Variants in NEK7 observed in about 807,000 individuals in gnomAD.
The protein encoded by NEK7 is serine/threonine-protein kinase Nek7.
NEK7 carries 18 observed loss-of-function variants against 44.6 expected under a neutral mutation model. The observed-to-expected ratio is 0.40, with a 90% CI of 0.28 to 0.60. NEK7 has a LOEUF of 0.60. Among genes scored for constraint, NEK7 ranks in the 20% least tolerant of loss-of-function variants. The pLI is 0.38. For missense variants in NEK7, 256 were observed against 366.5 expected (o/e 0.70, Z 2.46); for synonymous variants, 130 against 121.1 (o/e 1.07, Z -0.48).
intron 4 of NEK7, among the ~76,000 whole-genome samples, 198 bp from the exon 5 acceptor site, chr1:198,263,927 A>G (rs961649660): frequency 6.6e-6 from 1 of 151,994 alleles, no homozygotes; most frequent in Non-Finnish European, 1.5e-5. Flanking sequence ...GAATATTAAG[A>G]TAAATTAATT....
chr1:198,221,951 TGTC>T (rs1481606496), intron 1 of NEK7, among the ~76,000 whole-genome samples: 1 of 151,626 alleles, frequency 6.6e-6, no homozygotes, highest in Admixed American at 6.6e-5. Flanking sequence ...TCTAGTATAG[TGTC>T]GTTGAGAACT....
chr1:198,245,006 CAGAA>C (rs1483884420), intron 2 of NEK7, among the ~76,000 whole-genome samples: 2 of 152,220 alleles, frequency 1.3e-5, no homozygotes, highest in East Asian at 1.9e-4. Context: ...TTACTGATAA[CAGAA>C]AGTCAATTAA....
chr1:198,210,995 G>T (rs975285335), intron 1 of NEK7, among the ~76,000 whole-genome samples: 1 of 151,672 alleles, frequency 6.6e-6, no homozygotes, highest in Non-Finnish European at 1.5e-5. Flanking sequence ...CTCGTGATCC[G>T]CCCGCCTCGG....
At chr1:198,230,295 G>A (rs911775538) in intron 1 of NEK7, among the ~76,000 whole-genome samples, 4 of 151,916 alleles carry the variant, frequency 2.6e-5, no homozygotes, top group Admixed American at 1.3e-4. Context: ...TCCTCCTCCC[G>A]ACCTTGAATC....
chr1:198,231,446 A>G (rs113454806), intron 1 of NEK7, among the ~76,000 whole-genome samples: 3 of 150,856 alleles, frequency 2.0e-5, no homozygotes, highest in African/African-American at 7.3e-5. Context: ...ATATCCATAA[A>G]GAAAAACAAA....
At chr1:198,255,398 C>G (rs1653221514) in intron 3 of NEK7, among the ~76,000 whole-genome samples, 1 of 152,030 alleles carries the variant, frequency 6.6e-6, no homozygotes, top group Admixed American at 6.6e-5. Context: ...TCTTGGATCC[C>G]TTCTCTGATT....
At chr1:198,226,127 T>A (rs995333717) in intron 1 of NEK7, among the ~76,000 whole-genome samples, 4 of 152,020 alleles carry the variant, frequency 2.6e-5, no homozygotes, top group African/African-American at 9.7e-5. Context: ...TATTAAAATA[T>A]ATTTTTGTTT....
At chr1:198,305,660 G>C (rs1197760770) in intron 9 of NEK7, among the ~76,000 whole-genome samples, 1 of 152,044 alleles carries the variant, frequency 6.6e-6, no homozygotes, top group African/African-American at 2.4e-5. Flanking sequence ...TATCCCTCTA[G>C]TCATAATAAT....
Position 198,319,439 on chromosome 1 carries a change from A to G in NEK7, c.826A>G (p.Asn276Asp), listed in dbSNP as rs1269141251. 6.2e-7 allele frequency: 1 copy of G among 1,612,828 alleles called. No individual in the cohort carries two copies. The highest frequency in any genetic ancestry group is 8.5e-7 in the Non-Finnish European group (1 of 1,179,222). Residue 276 changes from asparagine (N) to aspartate (D), a missense_variant, in exon 10 of 10, where the codon AAC becomes GAC. By Grantham distance (23) the Asn-to-Asp change is conservative (BLOSUM62 1). Coordinates refer to ENST00000367385, the MANE Select transcript of NEK7 (RefSeq NM_133494.3). ...CCGACAGTTAGTTAATATGTGCATC[A>G]ACCCAGATCCAGAGAAGCGACCAGA... Reference protein sequence around the residue: ...ELRQLVNMCINPDPEKRPDVT... With the variant: ...ELRQLVNMCIDPDPEKRPDVT...
At chr1:198,273,395 T>A (rs976573439) in intron 5 of NEK7, among the ~76,000 whole-genome samples, 4 of 151,718 alleles carry the variant, frequency 2.6e-5, no homozygotes, top group Non-Finnish European at 5.9e-5. Flanking sequence ...TGTTGATACC[T>A]CATTATGCCT....
At chr1:198,179,259 C>T (rs926109455) in intron 1 of NEK7, among the ~76,000 whole-genome samples, 8 of 152,156 alleles carry the variant, frequency 5.3e-5, no homozygotes, top group African/African-American at 1.9e-4. Context: ...AACCTATCCT[C>T]ATGTAGTTTT....
At chr1:198,180,269 A>G (rs1016108634) in intron 1 of NEK7, among the ~76,000 whole-genome samples, 3 of 150,512 alleles carry the variant, frequency 2.0e-5, no homozygotes, top group Non-Finnish European at 4.5e-5. Flanking sequence ...CATCATAGAG[A>G]AAATTAATCA....
intron 1 of NEK7, among the ~76,000 whole-genome samples, chr1:198,197,210 A>G (rs1406752601): frequency 3.9e-5 from 6 of 152,300 alleles, no homozygotes; most frequent in African/African-American, 1.2e-4. Flanking sequence ...TTAGTCATTT[A>G]CTGTATAATA....
At chr1:198,298,384 G>A (rs1169368717) in intron 9 of NEK7, among the ~76,000 whole-genome samples, 1 of 152,008 alleles carries the variant, frequency 6.6e-6, no homozygotes. Flanking sequence ...AATATAATAG[G>A]CACTTTTTCT....
chr1:198,274,752 A>C (rs1000728178), intron 5 of NEK7, among the ~76,000 whole-genome samples: 4 of 151,780 alleles, frequency 2.6e-5, no homozygotes, highest in Non-Finnish European at 5.9e-5. Context: ...AATGATACTT[A>C]GATATTCACT....
intron 7 of NEK7, among the ~76,000 whole-genome samples, chr1:198,280,179 T>C (rs944257087): frequency 2.6e-5 from 4 of 152,070 alleles, no homozygotes; most frequent in Admixed American, 2.6e-4. Context: ...CCCAGCACTT[T>C]AATAAAGTTT....
intron 1 of NEK7, among the ~76,000 whole-genome samples, chr1:198,191,166 G>A (rs1359964521): frequency 6.6e-6 from 1 of 151,978 alleles, no homozygotes; most frequent in Admixed American, 6.6e-5. Context: ...ATTACAAACT[G>A]TGCTGTCCTG....
intron 9 of NEK7, among the ~76,000 whole-genome samples, chr1:198,303,817 C>G (rs576698592): frequency 1.3e-5 from 2 of 152,110 alleles, no homozygotes; most frequent in South Asian, 4.1e-4. Context: ...ACCATGTAAT[C>G]AAATGCTGAA....
At chr1:198,181,461 T>TTA (rs1316736008) in intron 1 of NEK7, among the ~76,000 whole-genome samples, 1 of 152,060 alleles carries the variant, frequency 6.6e-6, no homozygotes, top group East Asian at 1.9e-4. Context: ...TAGAATTGAG[T>TTA]GAACTTTTGA....
Sources: allele counts gnomAD v4.1 joint callset (sites outside exome capture counted in the v4.1 genomes callset), GRCh38; gene constraint gnomAD v4.1.1; transcripts MANE v1.5; gene names NCBI Gene and HGNC (gene_info 2026-07-23, HGNC 2026-07-21).